PRKN: variants seen among roughly 807,000 people sequenced by gnomAD.
PRKN encodes parkin RBR E3 ubiquitin protein ligase.
PRKN carries 56 observed loss-of-function variants against 59.5 expected under a neutral mutation model. The ratio of observed to expected loss-of-function variants is 0.94; its 90% CI spans 0.76 to 1.18. The LOEUF (loss-of-function observed/expected upper bound fraction) is 1.18. Among genes scored for constraint, PRKN ranks in the 50% most tolerant of loss-of-function variants. PRKN has a pLI of 0.00. For synonymous variants in PRKN, 250 were observed against 222.1 expected (o/e 1.13, Z -1.12); for missense variants, 657 against 596.4 (o/e 1.10, Z -1.06).
At chr6:162,307,008 T>A (rs369363590) in intron 2 of PRKN, among the ~76,000 whole-genome samples, 1 of 152,306 alleles carries the variant, frequency 6.6e-6, no homozygotes, top group Middle Eastern at 3.4e-3. Flanking sequence ...ATTTGTATTT[T>A]TAAAACTATC....
intron 3 of PRKN, among the ~76,000 whole-genome samples, chr6:162,215,040 T>G (rs576954316): frequency 6.6e-6 from 1 of 152,078 alleles, no homozygotes; most frequent in Admixed American, 6.5e-5. Flanking sequence ...TGCAACCTTA[T>G]TGGGCCCAGA....
At chr6:162,427,713 T>G (rs1789307576) in intron 2 of PRKN, among the ~76,000 whole-genome samples, 1 of 151,310 alleles carries the variant, frequency 6.6e-6, no homozygotes, top group East Asian at 1.9e-4. Context: ...TGGCGCAATC[T>G]CGGCTCACTG....
chr6:162,254,231 G>A (rs1014523674), intron 3 of PRKN, among the ~76,000 whole-genome samples: 1 of 152,042 alleles, frequency 6.6e-6, no homozygotes, highest in Middle Eastern at 3.2e-3. Context: ...GGCTGAGGTG[G>A]GCAGATCATG....
At chr6:162,718,210 T>C (rs6939336) in intron 1 of PRKN, among the ~76,000 whole-genome samples, 266 of 152,264 alleles carry the variant, frequency 1.7e-3, no homozygotes, top group African/African-American at 5.8e-3. Context: ...AAAAAAATCT[T>C]ATTACTTCTA....
In PRKN at chr6:162,342,254, GCCA is replaced by G. The variant is rs57953603; in HGVS notation, c.172-79492_172-79490del. Among the ~76,000 whole-genome samples the G allele has an allele frequency of 2.9e-3, 442 of 152,232 alleles. 4 individuals are homozygous for G. The highest frequency in any genetic ancestry group is 0.012 in the South Asian group (58 of 4,822). ...ATATATTTAAGCACATCTGATTATGGCCAACGTTTCCCTTCAACTTTCACTCTA... is the reference window on the plus strand; with the variant it reads ...ATATATTTAAGCACATCTGATTATGGACGTTTCCCTTCAACTTTCACTCTA... On this transcript the variant is annotated intron_variant, in intron 2 of 11. Coordinates refer to ENST00000366898, the MANE Select transcript of PRKN (RefSeq NM_004562.3).
chr6:162,164,953 A>C (rs1229844338), intron 4 of PRKN, among the ~76,000 whole-genome samples: 2 of 149,032 alleles, frequency 1.3e-5, no homozygotes. Flanking sequence ...AAAATCTGCC[A>C]AATGTACCAT....
At chr6:162,506,469 A>C (rs2128189266) in intron 1 of PRKN, among the ~76,000 whole-genome samples, 1 of 152,298 alleles carries the variant, frequency 6.6e-6, no homozygotes, top group South Asian at 2.1e-4. Flanking sequence ...TTATTTTATA[A>C]GAGATCTTGG....
rs1422019953 is a variant in PRKN, at chr6:161,428,457, C to A, written c.1084-41580G>T. Among the ~76,000 whole-genome samples, 1 of 152,076 alleles carries A rather than the reference C, an allele frequency of 6.6e-6. No homozygotes were observed. The highest frequency in any genetic ancestry group is 1.5e-5 in the Non-Finnish European group (1 of 68,024). On this transcript the variant is annotated intron_variant, in intron 9 of 11. Transcript: ENST00000366898. The surrounding 1 kb of genome is among the most constrained non-coding windows in gnomAD (Gnocchi z 4.0). ...CACACGAGCCTCATGGAGAGACAGG[C>A]GGCTGCTCCGTCCATCTTCGAACCT...
intron 5 of PRKN, among the ~76,000 whole-genome samples, chr6:162,015,612 G>A (rs1020940449): frequency 6.6e-6 from 1 of 152,026 alleles, no homozygotes; most frequent in Non-Finnish European, 1.5e-5. Context: ...TTTCTCCCCT[G>A]TCACCTTCCA....
rs10655203 is a variant in PRKN, at chr6:161,405,607, AAAAT to A, written c.1084-18734_1084-18731del. Among the ~76,000 whole-genome samples the A allele has an allele frequency of 0.16, 23,495 of 144,940 alleles. 2,132 individuals are homozygous for A. The highest frequency in any genetic ancestry group is 0.27 in the South Asian group (1,205 of 4,488). On this transcript the variant is annotated intron_variant, in intron 9 of 11. Coordinates refer to ENST00000366898, the MANE Select transcript of PRKN (RefSeq NM_004562.3). This position sits in a 1 kb window ranked among gnomAD's most constrained non-coding sequence, Gnocchi z 5.1. ...AAAAAATAAAATAAAATAAAAATTA[AAAAT>A]AAATAAATAAATAAATAAATAAATA...
intron 4 of PRKN, among the ~76,000 whole-genome samples, chr6:162,070,878 C>G (rs998714970): frequency 6.6e-6 from 1 of 151,974 alleles, no homozygotes; most frequent in Non-Finnish European, 1.5e-5. Context: ...AACAGGCCAC[C>G]CCTGCTGGCC....
chr6:161,874,541 TATGTAAAATA>T (rs1472185999), intron 6 of PRKN, among the ~76,000 whole-genome samples: 1 of 54,962 alleles, frequency 1.8e-5, no homozygotes, highest in Non-Finnish European at 3.0e-5. Context: ...AAATATATAT[TATGTAAAATA>T]TATATTATAT....
chr6:161,879,954 A>G (rs761986896), intron 6 of PRKN, among the ~76,000 whole-genome samples: 5 of 152,216 alleles, frequency 3.3e-5, no homozygotes, highest in Non-Finnish European at 7.3e-5. Flanking sequence ...CATTAGAAGT[A>G]GATGAAAATG....
At chr6:162,556,474 C>T (rs893512728) in intron 1 of PRKN, among the ~76,000 whole-genome samples, 3 of 150,434 alleles carry the variant, frequency 2.0e-5, no homozygotes, top group Non-Finnish European at 3.0e-5. Flanking sequence ...TAATGCCGGG[C>T]GCAGTGGTTC....
chr6:161,643,758 C>T (rs541199105), intron 7 of PRKN, among the ~76,000 whole-genome samples: 2 of 152,272 alleles, frequency 1.3e-5, no homozygotes, highest in South Asian at 4.1e-4. Context: ...ATTAATCTCT[C>T]TCGACCCACT....
chr6:161,954,761 G>C (rs1447281945), intron 6 of PRKN, among the ~76,000 whole-genome samples: 3 of 152,260 alleles, frequency 2.0e-5, no homozygotes, highest in Admixed American at 6.5e-5. Flanking sequence ...ACAGTTTGTT[G>C]GTTCTGGAAA....
rs932996085 is a variant in PRKN, at chr6:161,538,922, C to T, written c.1083+9932G>A. ...TTGAACTCTGCCTAAATGTCATGAA[C>T]AACAGGAATAACAGCAGGTACTTAG... On this transcript the variant is annotated intron_variant, in intron 9 of 11. Coordinates refer to ENST00000366898, the MANE Select transcript of PRKN (RefSeq NM_004562.3). This position sits in a 1 kb window ranked among gnomAD's most constrained non-coding sequence, Gnocchi z 4.2. 1.3e-5 allele frequency among the ~76,000 whole-genome samples: 2 copies of T among 152,194 alleles called. No homozygotes were observed. The highest frequency in any genetic ancestry group is 4.8e-5 in the African/African-American group (2 of 41,450).
chr6:162,199,583 CAG>C (rs1784635137), intron 4 of PRKN, among the ~76,000 whole-genome samples: 1 of 152,106 alleles, frequency 6.6e-6, no homozygotes, highest in African/African-American at 2.4e-5. Flanking sequence ...TTGAGAAAGC[CAG>C]AGGAGAGGAG....
intron 6 of PRKN, among the ~76,000 whole-genome samples, chr6:161,791,435 A>G (rs1468002978): frequency 3.3e-5 from 5 of 152,208 alleles, no homozygotes; most frequent in African/African-American, 1.2e-4. Flanking sequence ...ATCTAGAAAA[A>G]TGTGCAATTT....
Sources: allele counts gnomAD v4.1 joint callset (sites outside exome capture counted in the v4.1 genomes callset), GRCh38; gene constraint gnomAD v4.1.1; non-coding constraint Gnocchi (gnomAD v3.1); transcripts MANE v1.5; gene names NCBI Gene and HGNC (gene_info 2026-07-23, HGNC 2026-07-21).